Variants in CDSN observed in about 807,000 individuals in gnomAD.
The protein encoded by CDSN is corneodesmosin.
A neutral mutation model predicts 25.6 loss-of-function variants in CDSN; 11 were observed. The ratio of observed to expected loss-of-function variants is 0.43; its 90% confidence interval spans 0.27 to 0.71. The LOEUF is 0.71. CDSN is among the 30% of genes least tolerant of loss of function. The pLI, the probability that CDSN is intolerant of heterozygous loss-of-function variation, is 0.20. For synonymous variants in CDSN, 266 were observed against 267.4 expected, an observed-to-expected ratio of 0.99 and a Z score of 0.05; for missense variants, 598 against 670.9, an observed-to-expected ratio of 0.89 and a Z score of 1.20.
In CDSN at chr6:31,116,042, A is replaced by G. The variant is rs779015672; in HGVS notation, c.1573T>C (p.Leu525=). 94 of 1,611,460 alleles carry G rather than the reference A, an allele frequency of 5.8e-5. No homozygotes were observed. The highest frequency in any genetic ancestry group is 7.7e-5 in the Non-Finnish European group (91 of 1,179,738). The change falls in exon 2 of 2, where the codon TTA becomes CTA. Residue 525 remains leucine (L), a synonymous_variant. Transcript: ENST00000376288. The part of the protein sequence containing the change: ...DPEVFLPQGE[L]LNSP ...TTGACTTCTTATGGACTGTTGAGTA[A>G]CTCTCCTTGGGGTAGGAAAACTTCA...
In CDSN at chr6:31,116,996, T is replaced by A. The variant is rs147258307; in HGVS notation, c.619A>T (p.Ser207Cys). 1 of 1,614,086 alleles carries A rather than the reference T, an allele frequency of 6.2e-7. No individual in the cohort carries two copies. The highest frequency in any genetic ancestry group is 1.3e-5 in the African/African-American group (1 of 74,922). ...TGGTTGGAGCTGACGCTTTGGCCACTGCTGGATACCCCAAAGGTCTGGGAA... is the reference window on the plus strand; with the variant it reads ...TGGTTGGAGCTGACGCTTTGGCCACAGCTGGATACCCCAAAGGTCTGGGAA... ...SSSQTFGVSS[S>C]GQSVSSNQRP... Residue 207 changes from serine (S) to cysteine (C), a missense_variant, in exon 2 of 2, where the codon AGT becomes TGT. By Grantham distance (112) the Ser-to-Cys change is moderately radical (BLOSUM62 -1). Transcript: ENST00000376288.
chr6:31,116,400 G>A lies in CDSN; in HGVS notation c.1215C>T (p.Ser405=). The A allele has an allele frequency of 6.3e-7, 1 of 1,598,736 alleles. No homozygotes were observed. Residue 405 remains serine, a synonymous_variant, in exon 2 of 2, where the codon TCC becomes TCT. Coordinates refer to ENST00000376288, the MANE Select transcript of CDSN (RefSeq NM_001264.5). ...SSRVPSSSSI[S]SSSGLPYHPC... ...GATGGTAGGGTAAACCGGAGCTGCT[G>A]GAAATGCTAGAACTGCTGGGGACTC...
In CDSN at chr6:31,117,164, T is replaced by C. The variant is rs200396521; in HGVS notation, c.451A>G (p.Ser151Gly). The C allele has an allele frequency of 1.9e-6, 3 of 1,606,408 alleles. No homozygotes were observed. In the East Asian group the frequency reaches 6.7e-5, roughly 36 times the overall value. The change falls in exon 2 of 2, where the codon AGC (serine) becomes GGC (glycine). Residue 151 changes from serine to glycine, a missense_variant. Physicochemically the swap from Ser to Gly is moderately conservative, Grantham distance 56. Transcript: ENST00000376288. ...CTGCTGCTGCTCGAATGAGAGCTGC[T>C]GCTTCCCGAGTGAGAGCCGCTGTTT... ...SGNSGSHSGS[S>G]SSHSSSSSSF... is the part of the protein sequence containing the mutation.
Position 31,116,520 on chromosome 6 carries a change from C to G in CDSN, c.1095G>C (p.Ser365=), listed in dbSNP as rs765478855. 1.2e-6 allele frequency: 2 copies of G among 1,612,798 alleles called. No homozygotes were observed. Among genetic ancestry groups the G allele is most frequent in the Admixed American group, 3.3e-5 (2 of 59,830 alleles). ...TCCCCACTGGCTGGAATGCAATGGC[C>G]GAGGAAGCTGCCGACTGGCTGGGGA... ...PIIPSQSAAS[S]AIAFQPVGTG... is the part of the protein sequence containing the mutation. The change falls in exon 2 of 2, where the codon TCG becomes TCC. Residue 365 remains serine, a synonymous_variant. Transcript: ENST00000376288.
Position 31,115,447 on chromosome 6 carries a change from G to A in CDSN, c.*578C>T, listed in dbSNP as rs561384482. Reference sequence around the variant, plus strand: ...CTTGAGAGGCAATGGGTGTGTTGGGGACGGTGATCTAGGAGGGCGTGGTGA... The same window carrying A: ...CTTGAGAGGCAATGGGTGTGTTGGGAACGGTGATCTAGGAGGGCGTGGTGA... On this transcript the variant is annotated 3_prime_UTR_variant, in exon 2 of 2. Coordinates refer to ENST00000376288, the MANE Select transcript of CDSN (RefSeq NM_001264.5). The surrounding 1 kb of genome is among the most constrained non-coding windows in gnomAD (Gnocchi z 4.2). 6.0e-6 allele frequency: 1 copy of A among 167,840 alleles called. No homozygotes were observed. Among genetic ancestry groups the A allele is most frequent in the African/African-American group, 2.4e-5 (1 of 41,682 alleles). 10.4% of individuals were successfully genotyped at this position (167,840 alleles called of 1,614,324 possible). A position where few individuals can be genotyped will look rare whatever the true frequency, so the allele number is the denominator to read the frequency against.
chr6:31,117,373 G>T lies in CDSN; in HGVS notation c.242C>A (p.Ala81Asp). ...SSSSGSSISS[A>D]RSSGGGSSGS... Reference sequence around the variant, plus strand: ...ACTGGAGCCACCACCAGAGCTTCTGGCACTGGAAATGGAGCTGCCAGAACT... The same window carrying T: ...ACTGGAGCCACCACCAGAGCTTCTGTCACTGGAAATGGAGCTGCCAGAACT... The change falls in exon 2 of 2, where the codon GCC becomes GAC. Residue 81 changes from alanine to aspartate, a missense_variant. Ala to Asp is a moderately radical substitution (Grantham distance 126). Transcript: ENST00000376288. 6.4e-7 allele frequency: 1 copy of T among 1,574,524 alleles called. No individual in the cohort carries two copies. Among genetic ancestry groups the T allele is most frequent in the Non-Finnish European group, 8.6e-7 (1 of 1,160,068 alleles).
rs773099711 is a variant in CDSN at position 31,117,511 on chromosome 6, A to G, written c.104T>C (p.Ile35Thr). The G allele has an allele frequency of 5.8e-6, 9 of 1,550,690 alleles. No individual in the cohort carries two copies. The Admixed American group carries it at 5.9e-5, about 10-fold the overall frequency. ...LLLPGTLAKSIGTFSDPCKDP... is the reference protein window; with the variant it reads ...LLLPGTLAKSTGTFSDPCKDP... Reference sequence around the variant, plus strand: ...CTTACAAGGGTCTGAGAAGGTGCCAATGCTCTTAGCCAAGGTCCCTGTGGA... The same window carrying G: ...CTTACAAGGGTCTGAGAAGGTGCCAGTGCTCTTAGCCAAGGTCCCTGTGGA... The change falls in exon 2 of 2, where the codon ATT becomes ACT. Residue 35 changes from isoleucine to threonine, a missense_variant. Transcript: ENST00000376288.
Position 31,115,940 on chromosome 6 carries a change from C to A in CDSN, c.*85G>T. The A allele has an allele frequency of 1.6e-6, 2 of 1,239,094 alleles. No individual in the cohort carries two copies. Among genetic ancestry groups the A allele is most frequent in the South Asian group, 2.5e-5 (2 of 81,632 alleles). 76.8% of individuals were successfully genotyped at this position (1,239,094 alleles called of 1,614,324 possible). A position where few individuals can be genotyped will look rare whatever the true frequency, so the allele number is the denominator to read the frequency against. On this transcript the variant is annotated 3_prime_UTR_variant, in exon 2 of 2. Coordinates refer to ENST00000376288, the MANE Select transcript of CDSN (RefSeq NM_001264.5). This position sits in a 1 kb window ranked among gnomAD's most constrained non-coding sequence, Gnocchi z 4.2. ...GGAGGGAAACTGAGCTAACCCTATG[C>A]CTGGGCACTGGACTTCTCCCATATG...
In CDSN at chr6:31,116,949, G is replaced by A. The variant is rs1313139061; in HGVS notation, c.666C>T (p.Ile222=). 1.2e-6 allele frequency: 2 copies of A among 1,614,208 alleles called. No individual in the cohort carries two copies. The highest frequency in any genetic ancestry group is 2.2e-5 in the East Asian group (1 of 44,884). The change falls in exon 2 of 2, where the codon ATC becomes ATT. Residue 222 remains isoleucine, a synonymous_variant. Coordinates refer to ENST00000376288, the MANE Select transcript of CDSN (RefSeq NM_001264.5). The part of the protein sequence containing the change: ...SSNQRPCSSD[I]PDSPCSGGPI... ...GCCCTCCACTGCAGGGAGAGTCGGG[G>A]ATGTCCGAACTACAGGGACGCTGGT...
In CDSN at chr6:31,116,179, G is replaced by A; in HGVS notation, c.1436C>T (p.Pro479Leu). ...GGPDGSPHPD[P>L]SAGAKPCGSS... ...GCCACAGGGCTTGGCACCAGCGGAG[G>A]GATCAGGATGGGGAGAGCCATCGGG... The change falls in exon 2 of 2, where the codon CCC becomes CTC. Residue 479 changes from proline to leucine, a missense_variant. Coordinates refer to ENST00000376288, the MANE Select transcript of CDSN (RefSeq NM_001264.5). The A allele has an allele frequency of 6.2e-7, 1 of 1,612,598 alleles. No homozygotes were observed. The highest frequency in any genetic ancestry group is 1.3e-5 in the African/African-American group (1 of 74,994).
rs1047462198 is a variant in CDSN, at chr6:31,117,463, G to A, written c.152C>T (p.Pro51Leu). Residue 51 changes from proline (P) to leucine (L), a missense_variant, in exon 2 of 2, where the codon CCT becomes CTT. Physicochemically the swap from Pro to Leu is moderately conservative, Grantham distance 98. Transcript: ENST00000376288. Reference sequence around the variant, plus strand: ...CTTCCCAGTGAGGCAGGGGTCGTTAGGGGAGGTGATACGCGTGGGGTCCTT... The same window carrying A: ...CTTCCCAGTGAGGCAGGGGTCGTTAAGGGAGGTGATACGCGTGGGGTCCTT... Reference protein sequence around the residue: ...PCKDPTRITSPNDPCLTGKGD... With the variant: ...PCKDPTRITSLNDPCLTGKGD... The A allele has an allele frequency of 6.4e-7, 1 of 1,555,018 alleles. No homozygotes were observed. Among genetic ancestry groups the A allele is most frequent in the Non-Finnish European group, 8.7e-7 (1 of 1,149,382 alleles).
At position 31,120,318 on chromosome 6, in the gene CDSN, G is replaced by A. The variant is rs372415381; in HGVS notation, c.85+17C>T. The A allele has an allele frequency of 3.8e-5, 60 of 1,558,836 alleles. No homozygotes were observed. The African/African-American group carries it at 8.0e-4, about 21-fold the overall frequency. ...CCTCCCGCCTCCCTCCTGTTCCCAG[G>A]GCCCCCAGCCTCCTACCTGGCAGGA... On this transcript the variant is annotated intron_variant, in intron 1 of 1. Coordinates refer to ENST00000376288, the MANE Select transcript of CDSN (RefSeq NM_001264.5).
chr6:31,115,733 G>A lies in CDSN; in HGVS notation c.*292C>T, dbSNP rs1047757765. ...ATGGACCATTTCCACACAGTAGAGG[G>A]AATTGTAAGGGGTGGTGATCTGGCT... On this transcript the variant is annotated 3_prime_UTR_variant, in exon 2 of 2. Coordinates refer to ENST00000376288, the MANE Select transcript of CDSN (RefSeq NM_001264.5). The surrounding 1 kb of genome is among the most constrained non-coding windows in gnomAD (Gnocchi z 4.2). The A allele has an allele frequency of 4.0e-6, 2 of 500,502 alleles. No individual in the cohort carries two copies. Among genetic ancestry groups the A allele is most frequent in the African/African-American group, 3.8e-5 (2 of 52,610 alleles). The allele number at this position is 500,502 out of a possible 1,614,324, so 31.0% of individuals were successfully genotyped here.
At chr6:31,119,535 A>G (rs1451792283) in intron 1 of CDSN, among the ~76,000 whole-genome samples, 1 of 152,150 alleles carries the variant, frequency 6.6e-6, no homozygotes, top group Non-Finnish European at 1.5e-5. Context: ...AACTTCTCTG[A>G]GCCTCAGTGT....
chr6:31,117,316 C>A lies in CDSN; in HGVS notation c.299G>T (p.Gly100Val). 4.4e-6 allele frequency: 7 copies of A among 1,585,580 alleles called. No homozygotes were observed. Among genetic ancestry groups the A allele is most frequent in the Non-Finnish European group, 6.0e-6 (7 of 1,165,608 alleles). The change falls in exon 2 of 2, where the codon GGT (glycine) becomes GTT (valine). Residue 100 changes from glycine (G) to valine (V), a missense_variant. By Grantham distance (109) the Gly-to-Val change is moderately radical. Transcript: ENST00000376288. ...GSSSGSSIAQ[G>V]GSAGSFKPGT... ...TGGCTTAAAAGATCCTGCAGAACCA[C>A]CCTGGGCAATGCTGGATCCGCTGGA...
At position 31,116,819 on chromosome 6, in the gene CDSN, C is replaced by T; in HGVS notation, c.796G>A (p.Gly266Arg). The T allele has an allele frequency of 6.2e-7, 1 of 1,614,050 alleles. No homozygotes were observed. Among genetic ancestry groups the T allele is most frequent in the South Asian group, 1.1e-5 (1 of 91,084 alleles). Residue 266 changes from glycine (G) to arginine (R), a missense_variant, in exon 2 of 2, where the codon GGA becomes AGA. By Grantham distance (125) the Gly-to-Arg change is moderately radical (BLOSUM62 -2). Transcript: ENST00000376288. ...VVDQHGSGAP[G>R]VVQGPPCSNG... ...CTACAGGGGGGACCTTGAACCACTCCAGGGGCACCAGAACCGTGCTGGTCC... is the reference window on the plus strand; with the variant it reads ...CTACAGGGGGGACCTTGAACCACTCTAGGGGCACCAGAACCGTGCTGGTCC...
intron 1 of CDSN, 178 bp from the exon 2 acceptor site, chr6:31,117,707 G>T: frequency 1.6e-6 from 1 of 619,402 alleles, no homozygotes; most frequent in South Asian, 1.9e-5. Flanking sequence ...TGAGGTGGCC[G>T]AATAAAGGCA....
chr6:31,117,553 T>C, intron 1 of CDSN, 24 bp from the exon 2 acceptor site: 1 of 1,546,942 alleles, frequency 6.5e-7, no homozygotes. Context: ...CAGTGGTTAG[T>C]AAGGGCCAAG....
chr6:31,120,228 A>G, intron 1 of CDSN, 107 bp downstream of exon 1: 1 of 872,492 alleles, frequency 1.1e-6, no homozygotes, highest in South Asian at 1.4e-5. Context: ...AGCAACCCCC[A>G]GACTCAAAAG....
Sources: allele counts gnomAD v4.1 joint callset (sites outside exome capture counted in the v4.1 genomes callset), GRCh38; gene constraint gnomAD v4.1.1; non-coding constraint Gnocchi (gnomAD v3.1); transcripts MANE v1.5; gene names NCBI Gene and HGNC (gene_info 2026-07-23, HGNC 2026-07-21).